Variants in CDS2 observed in about 807,000 individuals in gnomAD.
CDS2 encodes the protein phosphatidate cytidylyltransferase 2.
Under a neutral mutation model 59.0 loss-of-function variants are expected in CDS2, and 47 were observed. That is an observed-to-expected ratio of 0.80 (90% CI 0.63 to 1.02). CDS2 has a LOEUF of 1.02. Ranked by LOEUF, CDS2 falls within the 50% of genes least tolerant of loss-of-function variation. The pLI is 0.00. For missense variants in CDS2, 356 were observed against 558.9 expected, an observed-to-expected ratio of 0.64 and a Z score of 3.66; for synonymous variants, 207 against 206.4, an observed-to-expected ratio of 1.00 and a Z score of -0.02.
At chr20:5,182,879 G>A (rs2091041447) in intron 6 of CDS2, among the ~76,000 whole-genome samples, 182 bp from the exon 7 acceptor site, 1 of 152,220 alleles carries the variant, frequency 6.6e-6, no homozygotes. Flanking sequence ...CTAGTGGGCT[G>A]TGGGGGACAA....
intron 1 of CDS2, among the ~76,000 whole-genome samples, chr20:5,161,502 A>G (rs537340801): frequency 2.0e-4 from 30 of 152,248 alleles, no homozygotes; most frequent in Non-Finnish European, 4.0e-4. Flanking sequence ...GATTCAATCA[A>G]TTGATAACTG....
intron 1 of CDS2, among the ~76,000 whole-genome samples, chr20:5,127,755 G>T (rs960766668): frequency 6.6e-6 from 1 of 152,164 alleles, no homozygotes; most frequent in Non-Finnish European, 1.5e-5. Context: ...GGCTCTGGTG[G>T]GTAGGGGAGG....
At chr20:5,132,682 CAGGGAGAGG>C (rs1230790390) in intron 1 of CDS2, among the ~76,000 whole-genome samples, 3 of 151,886 alleles carry the variant, frequency 2.0e-5, no homozygotes, top group African/African-American at 7.3e-5. Context: ...CCAGGCTTAA[CAGGGAGAGG>C]AGGTGAAAGA....
chr20:5,140,249 G>A (rs1252325975), intron 1 of CDS2, among the ~76,000 whole-genome samples: 4 of 152,144 alleles, frequency 2.6e-5, no homozygotes, highest in Non-Finnish European at 5.9e-5. Flanking sequence ...TTTTGCTATT[G>A]TAAGTAATGC....
rs79247277 is a variant in CDS2, at chr20:5,164,994, A to G, written c.58-8529A>G. On this transcript the variant is annotated intron_variant, in intron 1 of 12. Transcript: ENST00000460006. ...GCATCTACTCCAGAAGGAGGCTTCA[A>G]TGGGCAAGGTGGGAGAGAGTGTTGG... Among the ~76,000 whole-genome samples the G allele has an allele frequency of 1.0e-3, 156 of 152,336 alleles. 1 individual carries two copies. In the East Asian group the frequency reaches 0.03, roughly 29 times the overall value.
intron 1 of CDS2, among the ~76,000 whole-genome samples, chr20:5,169,623 C>T (rs1600499893): frequency 6.6e-6 from 1 of 152,184 alleles, no homozygotes; most frequent in South Asian, 2.1e-4. Flanking sequence ...TCCCAGTTTA[C>T]ACTCATGAAC....
chr20:5,172,776 C>G (rs2090965712), intron 1 of CDS2, among the ~76,000 whole-genome samples: 1 of 152,164 alleles, frequency 6.6e-6, no homozygotes, highest in South Asian at 2.1e-4. Context: ...TCTGAATTCC[C>G]CTATGAAAGA....
At chr20:5,137,235 C>G (rs1028887979) in intron 1 of CDS2, among the ~76,000 whole-genome samples, 6 of 145,322 alleles carry the variant, frequency 4.1e-5, no homozygotes, top group East Asian at 2.0e-4. Context: ...TGTCACCCTC[C>G]CTCATTTCTA....
intron 1 of CDS2, among the ~76,000 whole-genome samples, chr20:5,131,450 G>C (rs1363533456): frequency 2.0e-5 from 3 of 152,216 alleles, no homozygotes; most frequent in Non-Finnish European, 1.5e-5. Context: ...GAAAGCAAAG[G>C]ATGAGATATG....
chr20:5,132,438 G>A (rs1350527376), intron 1 of CDS2, among the ~76,000 whole-genome samples: 1 of 151,996 alleles, frequency 6.6e-6, no homozygotes. Flanking sequence ...TCAGTACTCC[G>A]AATCACAGGC....
intron 1 of CDS2, among the ~76,000 whole-genome samples, chr20:5,163,230 T>C (rs1336444007): frequency 6.6e-6 from 1 of 152,130 alleles, no homozygotes; most frequent in Non-Finnish European, 1.5e-5. Flanking sequence ...CCTTCAGAGG[T>C]GGCCAAAGTA....
At chr20:5,132,068 T>A (rs73074166) in intron 1 of CDS2, among the ~76,000 whole-genome samples, 9,671 of 152,242 alleles carry the variant, frequency 0.064, 446 homozygotes, top group Non-Finnish European at 0.098. Context: ...GACTTAGCCT[T>A]CTATGACCTA....
intron 1 of CDS2, among the ~76,000 whole-genome samples, chr20:5,138,791 A>C (rs535932793): frequency 6.6e-6 from 1 of 151,898 alleles, no homozygotes; most frequent in East Asian, 2.0e-4. Context: ...GAATCGCTTG[A>C]ATCTGGGAGG....
intron 1 of CDS2, among the ~76,000 whole-genome samples, chr20:5,134,326 C>G (rs2090631137): frequency 6.6e-6 from 1 of 152,146 alleles, no homozygotes; most frequent in African/African-American, 2.4e-5. Context: ...CTCTTTAGAA[C>G]ATTCACTGAC....
At chr20:5,182,251 C>T (rs1439090013) in intron 5 of CDS2, 136 bp from the exon 6 acceptor site, 4 of 570,166 alleles carry the variant, frequency 7.0e-6, no homozygotes, top group East Asian at 7.2e-5. Flanking sequence ...TGTTTTTCTC[C>T]CCTGGGCTTT....
chr20:5,134,811 G>A (rs558741883), intron 1 of CDS2, among the ~76,000 whole-genome samples: 3 of 152,286 alleles, frequency 2.0e-5, no homozygotes, highest in East Asian at 3.9e-4. Flanking sequence ...ATGAGCCACC[G>A]TACCCAGCCG....
At chr20:5,170,308 A>C (rs2090946195) in intron 1 of CDS2, among the ~76,000 whole-genome samples, 2 of 152,278 alleles carry the variant, frequency 1.3e-5, no homozygotes, top group Non-Finnish European at 2.9e-5. Context: ...TGTGGGAAGG[A>C]GCATGGGTTC....
chr20:5,127,289 G>A, intron 1 of CDS2, 140 bp downstream of exon 1: 2 of 725,020 alleles, frequency 2.8e-6, no homozygotes, highest in Non-Finnish European at 3.9e-6. Flanking sequence ...TAGCGCGAAG[G>A]GCCCTCGGGT....
chr20:5,140,317 G>A (rs968950959), intron 1 of CDS2, among the ~76,000 whole-genome samples: 1 of 152,176 alleles, frequency 6.6e-6, no homozygotes, highest in Non-Finnish European at 1.5e-5. Flanking sequence ...TCAAAGGGAT[G>A]TACTTTGTTT....
Sources: gnomAD v4.1 joint callset for allele counts (sites outside exome capture counted in the v4.1 genomes callset) on GRCh38, gnomAD v4.1.1 for gene constraint, MANE v1.5 for transcripts, NCBI Gene and HGNC (gene_info 2026-07-23, HGNC 2026-07-21) for gene names.